FERMT1: variants seen among roughly 807,000 people sequenced by gnomAD.
The protein encoded by FERMT1 is FERM domain containing kindlin 1.
Under a neutral mutation model 85.3 loss-of-function variants are expected in FERMT1, and 60 were observed. The observed-to-expected ratio is 0.70, with a 90% CI of 0.57 to 0.87. The LOEUF (loss-of-function observed/expected upper bound fraction) is 0.87. FERMT1 is among the 40% of genes least tolerant of loss of function. FERMT1 has a pLI of 0.00. For synonymous variants in FERMT1, 275 were observed against 301.1 expected (o/e 0.91, Z 0.90); for missense variants, 701 against 818.9 (o/e 0.86, Z 1.76).
In FERMT1 at chr20:6,077,129, C is replaced by T. The variant is rs1196748536; in HGVS notation, c.*44G>A. ...TAGGGATCCCTCTGGGGAGGGGCGC[C>T]TTTGGCTTGCCTTGTTGGTGTGAGC... On this transcript the variant is annotated 3_prime_UTR_variant, in exon 15 of 15. Coordinates refer to ENST00000217289, the MANE Select transcript of FERMT1 (RefSeq NM_017671.5). 4 of 1,610,404 alleles carry T rather than the reference C, an allele frequency of 2.5e-6. No individual in the cohort carries two copies. The highest frequency in any genetic ancestry group is 3.4e-6 in the Non-Finnish European group (4 of 1,178,192).
At chr20:6,102,475 G>A (rs1982683469) in intron 6 of FERMT1, among the ~76,000 whole-genome samples, 1 of 151,796 alleles carries the variant, frequency 6.6e-6, no homozygotes, top group Non-Finnish European at 1.5e-5. Flanking sequence ...TCAGGAGTTT[G>A]GGACCAGCCT....
intron 13 of FERMT1, among the ~76,000 whole-genome samples, chr20:6,080,608 G>A (rs1490480872): frequency 2.0e-5 from 3 of 152,210 alleles, no homozygotes; most frequent in Non-Finnish European, 2.9e-5. Flanking sequence ...AGGAGGAGGC[G>A]GAAGAAGTGG....
At chr20:6,113,178 G>A (rs764448296) in intron 3 of FERMT1, among the ~76,000 whole-genome samples, 14 of 152,078 alleles carry the variant, frequency 9.2e-5, no homozygotes, top group South Asian at 4.1e-4. Context: ...GTGTTTCCCC[G>A]CACAAGCTCT....
chr20:6,094,235 A>G (rs1292485002), intron 9 of FERMT1: 2 of 152,248 alleles, frequency 1.3e-5, no homozygotes, highest in Non-Finnish European at 2.9e-5. Flanking sequence ...ATAAAGTGAA[A>G]TAAGGAACTG....
At chr20:6,093,487 A>G (rs917457430) in intron 9 of FERMT1, among the ~76,000 whole-genome samples, 3 of 152,222 alleles carry the variant, frequency 2.0e-5, no homozygotes, top group African/African-American at 7.2e-5. Flanking sequence ...CATTTGGTTC[A>G]TGAGGGGCTT....
Position 6,112,518 on chromosome 20 carries a change from A to T in FERMT1, c.491T>A (p.Ile164Asn), listed in dbSNP as rs1277865576. 1 of 1,613,584 alleles carries T rather than the reference A, an allele frequency of 6.2e-7. No individual in the cohort carries two copies. The highest frequency in any genetic ancestry group is 8.5e-7 in the Non-Finnish European group (1 of 1,179,676). Reference sequence around the variant, plus strand: ...TGTTGGAGAACTCTCCAGGTTTAGAATATCTTCAATTATGGGTTCCTTATT... The same window carrying T: ...TGTTGGAGAACTCTCCAGGTTTAGATTATCTTCAATTATGGGTTCCTTATT... ...KNNKEPIIEDILNLESSPTAS... is the reference protein window; with the variant it reads ...KNNKEPIIEDNLNLESSPTAS... The change falls in exon 4 of 15, where the codon ATT (isoleucine) becomes AAT (asparagine). Residue 164 changes from isoleucine (I) to asparagine (N), a missense_variant. Physicochemically the swap from Ile to Asn is moderately radical, Grantham distance 149. Coordinates refer to ENST00000217289, the MANE Select transcript of FERMT1 (RefSeq NM_017671.5).
At chr20:6,111,148 G>T (rs913113182) in intron 4 of FERMT1, among the ~76,000 whole-genome samples, 1 of 152,166 alleles carries the variant, frequency 6.6e-6, no homozygotes, top group Non-Finnish European at 1.5e-5. Flanking sequence ...TCCTATTTCA[G>T]TAGGAGTCTT....
At chr20:6,091,132 CAGCTTGGGTGACAG>C (rs1347113883) in intron 9 of FERMT1, among the ~76,000 whole-genome samples, 4 of 152,162 alleles carry the variant, frequency 2.6e-5, no homozygotes, top group African/African-American at 7.2e-5. Context: ...CACCGCACTC[CAGCTTGGGTGACAG>C]AGCAAGACTT....
At position 6,107,725 on chromosome 20, in the gene FERMT1, T is replaced by C; in HGVS notation, c.747-91A>G. On this transcript the variant is annotated intron_variant, in intron 5 of 14. Coordinates refer to ENST00000217289, the MANE Select transcript of FERMT1 (RefSeq NM_017671.5). ...TGTCATATATTATATACTACATATA[T>C]ATATCCTTGAACAAAATCAGGGTAT... 5.9e-6 allele frequency: 4 copies of C among 672,322 alleles called. No individual in the cohort carries two copies. The East Asian group carries it at 1.2e-4, about 21-fold the overall frequency. The allele number at this position is 672,322 out of a possible 1,614,324, so 41.6% of individuals were successfully genotyped here.
rs562219146 is a variant in FERMT1, at chr20:6,080,634, A to T, written c.1719-1057T>A. On this transcript the variant is annotated intron_variant, in intron 13 of 14. Coordinates refer to ENST00000217289, the MANE Select transcript of FERMT1 (RefSeq NM_017671.5). ...GAAGAAGTGGTCGGATTCTGTGTGT[A>T]CTTTGAAGGTAGAGTCACTAGGAGT... Among the ~76,000 whole-genome samples the T allele has an allele frequency of 2.0e-5, 3 of 152,302 alleles. No homozygotes were observed. The South Asian group carries it at 6.2e-4, about 32-fold the overall frequency.
At position 6,082,507 on chromosome 20, in the gene FERMT1, C is replaced by A. The variant is rs371743121; in HGVS notation, c.1718+1533G>T. Among the ~76,000 whole-genome samples the A allele has an allele frequency of 5.3e-5, 8 of 152,196 alleles. No homozygotes were observed. The East Asian group carries it at 1.3e-3, about 26-fold the overall frequency. On this transcript the variant is annotated intron_variant, in intron 13 of 14. Coordinates refer to ENST00000217289, the MANE Select transcript of FERMT1 (RefSeq NM_017671.5). Reference sequence around the variant, plus strand: ...GTGTGTCCGCACATGGACACATATGCGCGCACATAGTGGGTATCCAGTACG... The same window carrying A: ...GTGTGTCCGCACATGGACACATATGAGCGCACATAGTGGGTATCCAGTACG...
rs1983211577 is a variant in FERMT1, at chr20:6,119,621, G to A, written c.-18-49C>T. 6 of 1,527,532 alleles carry A rather than the reference G, an allele frequency of 3.9e-6. No homozygotes were observed. In the East Asian group the frequency reaches 1.4e-4, roughly 36 times the overall value. The allele number at this position is 1,527,532 out of a possible 1,614,324, so 94.6% of individuals were successfully genotyped here. ...AGATTGGAATGTGGGAAGGAAACGG[G>A]ACTTGTCAGTAGACTTGCAGAGCAA... On this transcript the variant is annotated intron_variant, in intron 1 of 14. Transcript: ENST00000217289.
intron 6 of FERMT1, among the ~76,000 whole-genome samples, chr20:6,099,675 G>T (rs1982603979): frequency 6.6e-6 from 1 of 151,866 alleles, no homozygotes; most frequent in African/African-American, 2.4e-5. Context: ...ATGGACAGTG[G>T]CCCAACCTGG....
intron 8 of FERMT1, among the ~76,000 whole-genome samples, chr20:6,095,619 G>A (rs1982479261): frequency 6.6e-6 from 1 of 152,172 alleles, no homozygotes; most frequent in Non-Finnish European, 1.5e-5. Context: ...AAACTATTAA[G>A]GGAGGGAGGA....
At chr20:6,103,026 T>C (rs1443985343) in intron 6 of FERMT1, among the ~76,000 whole-genome samples, 2 of 152,184 alleles carry the variant, frequency 1.3e-5, no homozygotes, top group Admixed American at 6.5e-5. Context: ...CTATGAACTA[T>C]CAGAGTTCTA....
In FERMT1 at chr20:6,112,434, T is replaced by G. The variant is rs181079774; in HGVS notation, c.532+43A>C. Reference sequence around the variant, plus strand: ...GAGAGATATATTTCTCTCTTGAGTTTTACTGTACGTTCAAACAACAAAACA... The same window carrying G: ...GAGAGATATATTTCTCTCTTGAGTTGTACTGTACGTTCAAACAACAAAACA... On this transcript the variant is annotated intron_variant, in intron 4 of 14. Transcript: ENST00000217289. 1,190 of 1,599,078 alleles carry G rather than the reference T, an allele frequency of 7.4e-4. 2 individuals carry two copies. The highest frequency in any genetic ancestry group is 6.9e-3 in the African/African-American group (515 of 74,874).
rs908937108 is a variant in FERMT1, at chr20:6,122,770, C to T, written c.-19+4G>A. On this transcript the variant is annotated splice_donor_region_variant and intron_variant, in intron 1 of 14. Coordinates refer to ENST00000217289, the MANE Select transcript of FERMT1 (RefSeq NM_017671.5). ...CTCCCCAGCCCTAGCTCCGGAGCAC[C>T]CACCTCCTTTCCAGGAGCCCGTAGC... 2.0e-5 allele frequency: 3 copies of T among 152,436 alleles called. No individual in the cohort carries two copies. Among genetic ancestry groups the T allele is most frequent in the Non-Finnish European group, 4.4e-5 (3 of 68,198 alleles). 9.4% of individuals were successfully genotyped at this position (152,436 alleles called of 1,614,324 possible). A position where few individuals can be genotyped will look rare whatever the true frequency, so the allele number is the denominator to read the frequency against.
At chr20:6,081,071 G>A (rs1981981236) in intron 13 of FERMT1, among the ~76,000 whole-genome samples, 1 of 152,152 alleles carries the variant, frequency 6.6e-6, no homozygotes, top group Admixed American at 6.5e-5. Context: ...GGGATTACTT[G>A]AAGCCAAGAG....
At chr20:6,099,802 C>T (rs1982609798) in intron 6 of FERMT1, among the ~76,000 whole-genome samples, 1 of 148,936 alleles carries the variant, frequency 6.7e-6, no homozygotes, top group African/African-American at 2.5e-5. Flanking sequence ...TCAAGACCAC[C>T]CTAGGCAACA....
Sources: allele counts gnomAD v4.1 joint callset (sites outside exome capture counted in the v4.1 genomes callset), GRCh38; gene constraint gnomAD v4.1.1; transcripts MANE v1.5; gene names NCBI Gene and HGNC (gene_info 2026-07-23, HGNC 2026-07-21).